Variants in MTHFD1L observed in about 807,000 individuals in gnomAD.
The protein encoded by MTHFD1L is methylenetetrahydrofolate dehydrogenase (NADP+ dependent) 1 like.
Under a neutral mutation model 119.5 loss-of-function variants are expected in MTHFD1L, and 81 were observed. That is an observed-to-expected ratio of 0.68 (90% CI 0.57 to 0.82). The LOEUF is 0.82. Ranked by LOEUF, MTHFD1L falls within the 40% of genes least tolerant of loss-of-function variation. The probability of loss-of-function intolerance (pLI) is 0.00; values close to 1 mark genes in which losing one functional copy is unlikely to be tolerated. For missense variants in MTHFD1L, 1,125 were observed against 1,253.4 expected (o/e 0.90, Z 1.55); for synonymous variants, 430 against 475.2 (o/e 0.90, Z 1.24).
At chr6:150,993,614 G>A (rs1779346967) in intron 20 of MTHFD1L, among the ~76,000 whole-genome samples, 1 of 152,208 alleles carries the variant, frequency 6.6e-6, no homozygotes, top group East Asian at 1.9e-4. Flanking sequence ...AGCCGGCCTA[G>A]TGTGAAAGCA....
intron 8 of MTHFD1L, among the ~76,000 whole-genome samples, chr6:150,916,479 TTTTTTTTTTTTTTTTTTTTTG>T (rs1349814355): frequency 1.3e-4 from 6 of 47,964 alleles, no homozygotes; most frequent in African/African-American, 2.0e-4. Flanking sequence ...TTTTTTTTTT[TTTTTTTTTTTTTTTTTTTTTG>T]GTATTTTTAG....
chr6:150,951,467 A>G (rs1421569808), intron 16 of MTHFD1L, among the ~76,000 whole-genome samples: 1 of 152,132 alleles, frequency 6.6e-6, no homozygotes, highest in Non-Finnish European at 1.5e-5. Context: ...GTGTGCATCT[A>G]GTTTTTTGGT....
At chr6:150,895,613 G>GTT (rs10630027) in intron 7 of MTHFD1L, among the ~76,000 whole-genome samples, 28,300 of 134,316 alleles carry the variant, frequency 0.21, 3,850 homozygotes, top group East Asian at 0.64. Context: ...GTTTTTTGTG[G>GTT]TTTTTTTTTT....
intron 11 of MTHFD1L, among the ~76,000 whole-genome samples, chr6:150,930,898 G>A (rs1790926107): frequency 6.6e-6 from 1 of 152,170 alleles, no homozygotes; most frequent in South Asian, 2.1e-4. Context: ...AGAATCATCT[G>A]CATTTCATCA....
At chr6:150,917,484 T>C (rs1444112094) in intron 8 of MTHFD1L, among the ~76,000 whole-genome samples, 4 of 151,432 alleles carry the variant, frequency 2.6e-5, no homozygotes, top group East Asian at 2.0e-4. Context: ...AGAGAGACTC[T>C]ATCTCAAAAA....
At chr6:151,013,716 T>C (rs1782613969) in intron 21 of MTHFD1L, 63 bp from the exon 22 acceptor site, 1 of 1,401,714 alleles carries the variant, frequency 7.1e-7, no homozygotes, top group Non-Finnish European at 1.0e-6. Flanking sequence ...TGTTCTTTCT[T>C]TCAGATCGGT....
chr6:151,071,246 A>G (rs1040002269), intron 26 of MTHFD1L, among the ~76,000 whole-genome samples: 1 of 152,196 alleles, frequency 6.6e-6, no homozygotes, highest in Non-Finnish European at 1.5e-5. Flanking sequence ...AAGAAGTGAA[A>G]GTGAAATTTT....
chr6:150,872,452 A>G (rs1779701904), intron 1 of MTHFD1L, among the ~76,000 whole-genome samples: 1 of 152,178 alleles, frequency 6.6e-6, no homozygotes, highest in Admixed American at 6.5e-5. Context: ...CTCAGGGAAT[A>G]GGGAAGCCAG....
chr6:150,868,432 C>T (rs1055908289), intron 1 of MTHFD1L, among the ~76,000 whole-genome samples: 2 of 151,482 alleles, frequency 1.3e-5, no homozygotes, highest in African/African-American at 4.9e-5. Context: ...CTCCGCCTCC[C>T]GGGTTCAAGC....
At position 150,955,238 on chromosome 6, in the gene MTHFD1L, C is replaced by T. The variant is rs184972459; in HGVS notation, c.1727-757C>T. Reference sequence around the variant, plus strand: ...CTGATATAAGTGGACTCATATAGTACTTGCCTTTCTGTGTCTGGCATATTT... The same window carrying T: ...CTGATATAAGTGGACTCATATAGTATTTGCCTTTCTGTGTCTGGCATATTT... On this transcript the variant is annotated intron_variant, in intron 16 of 27. Coordinates refer to ENST00000367321, the MANE Select transcript of MTHFD1L (RefSeq NM_015440.5). Among the ~76,000 whole-genome samples the T allele has an allele frequency of 8.5e-5, 13 of 152,318 alleles. No individual in the cohort carries two copies. In the East Asian group the frequency reaches 2.1e-3, roughly 25 times the overall value.
chr6:150,912,871 C>T (rs1787161476), intron 8 of MTHFD1L: 1 of 190,806 alleles, frequency 5.2e-6, no homozygotes, highest in African/African-American at 2.3e-5. Flanking sequence ...AGTCCTGCCC[C>T]TACACGGGCA....
chr6:150,944,310 A>G (rs908742016), intron 13 of MTHFD1L, among the ~76,000 whole-genome samples, 176 bp from the exon 14 acceptor site: 1 of 151,950 alleles, frequency 6.6e-6, no homozygotes, highest in Admixed American at 6.6e-5. Context: ...AGCCAGGCAC[A>G]ATGGTGTGCA....
At chr6:151,014,783 A>T in intron 22 of MTHFD1L, 97 bp from the exon 23 acceptor site, 1 of 791,060 alleles carries the variant, frequency 1.3e-6, no homozygotes, top group South Asian at 1.7e-5. Context: ...AAAAAGATGT[A>T]GCAAATCCTG....
intron 26 of MTHFD1L, among the ~76,000 whole-genome samples, chr6:151,042,406 T>C (rs1452097283): frequency 6.6e-6 from 1 of 152,220 alleles, no homozygotes; most frequent in African/African-American, 2.4e-5. Flanking sequence ...ATCTTTGATA[T>C]GGGAAGAAAC....
intron 13 of MTHFD1L, among the ~76,000 whole-genome samples, chr6:150,940,947 T>C (rs1288736160): frequency 6.6e-6 from 1 of 152,166 alleles, no homozygotes; most frequent in Admixed American, 6.5e-5. Flanking sequence ...TGAAGTTGAG[T>C]GCCTCCAGTC....
At chr6:150,979,649 C>T (rs537127945) in intron 20 of MTHFD1L, among the ~76,000 whole-genome samples, 63 of 152,168 alleles carry the variant, frequency 4.1e-4, no homozygotes, top group African/African-American at 1.3e-3. Flanking sequence ...TACAGGCACG[C>T]ACCACCATGC....
intron 7 of MTHFD1L, among the ~76,000 whole-genome samples, chr6:150,897,132 G>C (rs1240390648): frequency 6.6e-6 from 1 of 151,984 alleles, no homozygotes; most frequent in Non-Finnish European, 1.5e-5. Flanking sequence ...AAGCCGGTTG[G>C]GGTGGGGGCA....
intron 26 of MTHFD1L, among the ~76,000 whole-genome samples, chr6:151,056,507 T>A (rs1405233094): frequency 6.6e-6 from 1 of 152,240 alleles, no homozygotes; most frequent in Non-Finnish European, 1.5e-5. Context: ...TGTCCATTCC[T>A]CTGGAGATGG....
At position 150,873,263 on chromosome 6, in the gene MTHFD1L, C is replaced by T. The variant is rs186464679; in HGVS notation, c.228-2827C>T. On this transcript the variant is annotated intron_variant, in intron 1 of 27. Transcript: ENST00000367321. ...CTGGGAGATGGAGGTTGCAGTGAGC[C>T]GAGATCGTGCCACTGCCCTCCAGCC... Among the ~76,000 whole-genome samples the T allele has an allele frequency of 2.3e-3, 355 of 152,030 alleles. 3 individuals carry two copies. Among genetic ancestry groups the T allele is most frequent in the African/African-American group, 7.3e-3 (302 of 41,484 alleles).
Sources: gnomAD v4.1 joint callset for allele counts (sites outside exome capture counted in the v4.1 genomes callset) on GRCh38, gnomAD v4.1.1 for gene constraint, MANE v1.5 for transcripts, NCBI Gene and HGNC (gene_info 2026-07-23, HGNC 2026-07-21) for gene names.